HTR6: variants seen among roughly 807,000 people sequenced by gnomAD.
HTR6 encodes 5-hydroxytryptamine (serotonin) receptor 6, G protein-coupled.
In HTR6, 15 loss-of-function variants were observed where a neutral mutation model predicts 17.4. The observed-to-expected ratio is 0.86, with a 90% CI of 0.58 to 1.33. The LOEUF is 1.33. HTR6 is among the 40% of genes most tolerant of loss of function. HTR6 has a pLI of 0.00. For synonymous variants in HTR6, 326 were observed against 295.5 expected (o/e 1.10, Z -1.06); for missense variants, 578 against 616.0 (o/e 0.94, Z 0.65).
At chr1:19,670,263 G>C (rs934527645) in intron 1 of HTR6, among the ~76,000 whole-genome samples, 1 of 151,452 alleles carries the variant, frequency 6.6e-6, no homozygotes, top group Non-Finnish European at 1.5e-5. Flanking sequence ...AGCCTCTGTT[G>C]AATTGCCTCC....
intron 1 of HTR6, among the ~76,000 whole-genome samples, chr1:19,667,381 A>G (rs977808289): frequency 6.6e-6 from 1 of 151,760 alleles, no homozygotes; most frequent in African/African-American, 2.4e-5. Flanking sequence ...AGGGTCACAC[A>G]TATTGAGATC....
At position 19,665,618 on chromosome 1, in the gene HTR6, C is replaced by T. The variant is rs879780929; in HGVS notation, c.-136C>T. ...CCCAGCGCCCCCGCCCATGTCCCCCCACTCACCTCCCCCGGGGGGCGTGGT... is the reference window on the plus strand; with the variant it reads ...CCCAGCGCCCCCGCCCATGTCCCCCTACTCACCTCCCCCGGGGGGCGTGGT... On this transcript the variant is annotated 5_prime_UTR_variant, in exon 1 of 3. Coordinates refer to ENST00000289753, the MANE Select transcript of HTR6 (RefSeq NM_000871.3). The surrounding 1 kb of genome is among the most constrained non-coding windows in gnomAD (Gnocchi z 4.2). 2.1e-5 allele frequency: 13 copies of T among 617,190 alleles called. No homozygotes were observed. The highest frequency in any genetic ancestry group is 3.6e-5 in the Non-Finnish European group (13 of 362,824). 38.2% of individuals were successfully genotyped at this position (617,190 alleles called of 1,614,324 possible).
Position 19,666,069 on chromosome 1 carries a change from G to A in HTR6, c.316G>A (p.Asp106Asn). Residue 106 changes from aspartate to asparagine, a missense_variant, in exon 1 of 3, where the codon GAC becomes AAC. Asp to Asn is a conservative substitution (Grantham distance 23). Transcript: ENST00000289753. The surrounding 1 kb of genome is among the most constrained non-coding windows in gnomAD (Gnocchi z 4.5). ...CCTCTGCCTGCTCTGGACCGCCTTC[G>A]ACGTGATGTGCTGCAGCGCCTCCAT... Reference protein sequence around the residue: ...RGLCLLWTAFDVMCCSASILN... With the variant: ...RGLCLLWTAFNVMCCSASILN... The A allele has an allele frequency of 6.2e-7, 1 of 1,613,116 alleles. No homozygotes were observed. The highest frequency in any genetic ancestry group is 8.5e-7 in the Non-Finnish European group (1 of 1,179,828).
Position 19,679,420 on chromosome 1 carries a change from C to CTGAG in HTR6, c.*54_*57dup, listed in dbSNP as rs755711351. 3.8e-5 allele frequency: 56 copies of CTGAG among 1,490,804 alleles called. No homozygotes were observed. The highest frequency in any genetic ancestry group is 4.7e-5 in the Non-Finnish European group (53 of 1,117,964). The allele number at this position is 1,490,804 out of a possible 1,614,324, so 92.3% of individuals were successfully genotyped here. On this transcript the variant is annotated 3_prime_UTR_variant, in exon 3 of 3. Coordinates refer to ENST00000289753, the MANE Select transcript of HTR6 (RefSeq NM_000871.3). This position sits in a 1 kb window ranked among gnomAD's most constrained non-coding sequence, Gnocchi z 4.9. ...AGCTGGATTGAGCAGAACCCAGACCCTGAGTCCTTGGGCCAGCTCTTGGCT... is the reference window on the plus strand; with the variant it reads ...AGCTGGATTGAGCAGAACCCAGACCCTGAGTGAGTCCTTGGGCCAGCTCTTGGCT...
chr1:19,670,848 G>T (rs1570583604), intron 1 of HTR6, among the ~76,000 whole-genome samples: 1 of 152,208 alleles, frequency 6.6e-6, no homozygotes, highest in African/African-American at 2.4e-5. Flanking sequence ...TGGAAGGAAT[G>T]CAGTGTACAC....
At chr1:19,673,982 G>C (rs4912139) in intron 1 of HTR6, among the ~76,000 whole-genome samples, 89,554 of 150,978 alleles carry the variant, frequency 0.59, 27,003 homozygotes, top group Non-Finnish European at 0.66. Context: ...ATCCTCCCAC[G>C]TCAACCTCCG....
Position 19,679,542 on chromosome 1 carries a change from A to G in HTR6, c.*174A>G. 1 of 891,110 alleles carries G rather than the reference A, an allele frequency of 1.1e-6. No individual in the cohort carries two copies. Among genetic ancestry groups the G allele is most frequent in the South Asian group, 1.9e-5 (1 of 51,808 alleles). The allele number at this position is 891,110 out of a possible 1,614,324, so 55.2% of individuals were successfully genotyped here. A position where few individuals can be genotyped will look rare whatever the true frequency, so the allele number is the denominator to read the frequency against. On this transcript the variant is annotated 3_prime_UTR_variant, in exon 3 of 3. Coordinates refer to ENST00000289753, the MANE Select transcript of HTR6 (RefSeq NM_000871.3). The surrounding 1 kb of genome is among the most constrained non-coding windows in gnomAD (Gnocchi z 4.9). ...TGCCATCTCCAGGCCCCTTACCTGC[A>G]GGGATCATAGCTGACTCAGATATCG...
intron 1 of HTR6, among the ~76,000 whole-genome samples, chr1:19,676,738 G>A (rs1408917425): frequency 6.6e-6 from 1 of 152,160 alleles, no homozygotes; most frequent in Non-Finnish European, 1.5e-5. Flanking sequence ...TTCCATCTGC[G>A]GAAGGTTGCC....
chr1:19,678,475 C>A (rs772134041), intron 1 of HTR6, 92 bp from the exon 2 acceptor site: 25 of 1,486,446 alleles, frequency 1.7e-5, no homozygotes, highest in Admixed American at 6.7e-5. Flanking sequence ...AGGGCTCAGT[C>A]TAGAATTAGG....
Position 19,665,955 on chromosome 1 carries a change from C to A in HTR6, c.202C>A (p.Leu68Ile). 1 of 1,613,932 alleles carries A rather than the reference C, an allele frequency of 6.2e-7. No homozygotes were observed. Among genetic ancestry groups the A allele is most frequent in the Non-Finnish European group, 8.5e-7 (1 of 1,179,892 alleles). Reference sequence around the variant, plus strand: ...CACGTCCAACTTCTTCCTGGTGTCGCTCTTCACGTCTGACCTGATGGTGGG... The same window carrying A: ...CACGTCCAACTTCTTCCTGGTGTCGATCTTCACGTCTGACCTGATGGTGGG... ...RNTSNFFLVS[L>I]FTSDLMVGLV... Residue 68 changes from leucine (L) to isoleucine (I), a missense_variant, in exon 1 of 3, where the codon CTC (leucine) becomes ATC (isoleucine). Transcript: ENST00000289753. The surrounding 1 kb of genome is among the most constrained non-coding windows in gnomAD (Gnocchi z 4.2).
intron 1 of HTR6, among the ~76,000 whole-genome samples, chr1:19,677,269 C>T (rs763490327): frequency 6.6e-6 from 1 of 151,772 alleles, no homozygotes; most frequent in Non-Finnish European, 1.5e-5. Context: ...TCAAAAGGCT[C>T]ATGAAGTTTA....
At chr1:19,667,182 C>A in intron 1 of HTR6, among the ~76,000 whole-genome samples, 1 of 152,134 alleles carries the variant, frequency 6.6e-6, no homozygotes, top group East Asian at 1.9e-4. Flanking sequence ...CTTCTGTGCC[C>A]AGGTCTTTGC....
chr1:19,667,547 C>G (rs997045810), intron 1 of HTR6, among the ~76,000 whole-genome samples: 2 of 152,272 alleles, frequency 1.3e-5, no homozygotes, highest in South Asian at 4.1e-4. Flanking sequence ...TCCTGAGTAG[C>G]TGGGATTACA....
chr1:19,666,525 T>TG lies in HTR6; in HGVS notation c.714+62dup. 1 of 1,327,062 alleles carries TG rather than the reference T, an allele frequency of 7.5e-7. No individual in the cohort carries two copies. The highest frequency in any genetic ancestry group is 1.0e-6 in the Non-Finnish European group (1 of 973,360). The allele number at this position is 1,327,062 out of a possible 1,614,324, so 82.2% of individuals were successfully genotyped here. On this transcript the variant is annotated intron_variant, in intron 1 of 2. Transcript: ENST00000289753. The surrounding 1 kb of genome is among the most constrained non-coding windows in gnomAD (Gnocchi z 4.5). ...GGGATAGAGAGGAATGAGCAGCCCCTGGGGACCCCCTGGGCATCCCCACTT... is the reference window on the plus strand; with the variant it reads ...GGGATAGAGAGGAATGAGCAGCCCCTGGGGGACCCCCTGGGCATCCCCACTT...
At chr1:19,678,795 G>T in intron 2 of HTR6, 70 bp downstream of exon 2, 2 of 1,567,092 alleles carry the variant, frequency 1.3e-6, no homozygotes. Context: ...GCCCAGGCAT[G>T]GGGACAGGGG....
At chr1:19,670,551 G>T (rs1030943293) in intron 1 of HTR6, among the ~76,000 whole-genome samples, 1 of 149,032 alleles carries the variant, frequency 6.7e-6, no homozygotes, top group Non-Finnish European at 1.5e-5. Flanking sequence ...TGCAACCTCC[G>T]CTTCCCAGGT....
Position 19,665,796 on chromosome 1 carries a change from TGGGGGGCAGGGCCGCCGTCGGCCCC to T in HTR6, c.53_77del (p.Gly18AlafsTer14). On this transcript the variant is annotated frameshift_variant, in exon 1 of 3. Transcript: ENST00000289753. LOFTEE classifies it high-confidence loss of function. This position sits in a 1 kb window ranked among gnomAD's most constrained non-coding sequence, Gnocchi z 4.2. The stretch of plus-strand genomic sequence containing the variant: ...CCCAACCGCCAATAGCACCCCGGCC[TGGGGGGCAGGGCCGCCGTCGGCCCC>T]GGGGGGCAGCGGCTGGGTGGCGGCC... The T allele has an allele frequency of 6.6e-7, 1 of 1,514,632 alleles. No individual in the cohort carries two copies. Among genetic ancestry groups the T allele is most frequent in the East Asian group, 2.4e-5 (1 of 41,486 alleles). 93.8% of individuals were successfully genotyped at this position (1,514,632 alleles called of 1,614,324 possible). A position where few individuals can be genotyped will look rare whatever the true frequency, so the allele number is the denominator to read the frequency against.
At position 19,678,644 on chromosome 1, in the gene HTR6, GAA is replaced by G; in HGVS notation, c.793_794del (p.Lys265GlyfsTer47). 6.2e-7 allele frequency: 1 copy of G among 1,613,836 alleles called. No homozygotes were observed. The highest frequency in any genetic ancestry group is 8.5e-7 in the Non-Finnish European group (1 of 1,180,014). ...LATKHSRKAL[K>X]ASLTLGILLG... ...CCACGAAGCACAGCAGGAAGGCCCTGAAGGCCAGCCTGACGCTGGGCATCCTG... is the reference window on the plus strand; with the variant it reads ...CCACGAAGCACAGCAGGAAGGCCCTGGGCCAGCCTGACGCTGGGCATCCTG... On this transcript the variant is annotated frameshift_variant, in exon 2 of 3. Transcript: ENST00000289753. LOFTEE classifies it high-confidence loss of function.
chr1:19,676,028 G>T (rs2095094048), intron 1 of HTR6, among the ~76,000 whole-genome samples: 1 of 152,116 alleles, frequency 6.6e-6, no homozygotes, highest in Non-Finnish European at 1.5e-5. Context: ...GCCGCAGCGT[G>T]GTGACTCAGA....
Sources: gnomAD v4.1 joint callset for allele counts (sites outside exome capture counted in the v4.1 genomes callset) on GRCh38, gnomAD v4.1.1 for gene constraint, Gnocchi (gnomAD v3.1) non-coding constraint, MANE v1.5 for transcripts, NCBI Gene and HGNC (gene_info 2026-07-23, HGNC 2026-07-21) for gene names.